Variants in CYB561 observed in about 807,000 individuals in gnomAD.
The protein encoded by CYB561 is cytochrome b561, also known as transmembrane ascorbate-dependent reductase CYB561.
In CYB561, 11 loss-of-function variants were observed where a neutral mutation model predicts 25.3. The observed-to-expected ratio is 0.44, with a 90% confidence interval of 0.27 to 0.72. The LOEUF (loss-of-function observed/expected upper bound fraction) is 0.72, where lower values mean the gene tolerates loss of function less well. Among genes scored for constraint, CYB561 ranks in the 30% least tolerant of loss-of-function variants. CYB561 has a pLI of 0.18. For synonymous variants in CYB561, 165 were observed against 158.8 expected (o/e 1.04, Z -0.29); for missense variants, 295 against 334.9 (o/e 0.88, Z 0.93).
chr17:63,441,815 C>T (rs1341956123), intron 1 of CYB561, among the ~76,000 whole-genome samples: 1 of 152,242 alleles, frequency 6.6e-6, no homozygotes. Context: ...GCAGGGGAAG[C>T]TCCCGGGCGG....
In CYB561 at chr17:63,438,095, C is replaced by A. The variant is rs971376339; in HGVS notation, c.-13-535G>T. ...TCGGGAGTGGCTGGGGGGAGGGGCC[C>A]AGCCTCCCCACGGGGACAGGCGTGA... On this transcript the variant is annotated intron_variant, in intron 1 of 5. Coordinates refer to ENST00000360793, the MANE Select transcript of CYB561 (RefSeq NM_001915.4). The A allele has an allele frequency of 1.0e-5, 16 of 1,533,820 alleles. No homozygotes were observed. The Admixed American group carries it at 1.2e-4, about 11-fold the overall frequency.
chr17:63,434,257 C>A lies in CYB561; in HGVS notation c.*145G>T. ...AGCAGAGGAGGCGGAGACCTGACCC[C>A]AGAAAGCAGCACTCAAACAGATGCA... On this transcript the variant is annotated 3_prime_UTR_variant, in exon 6 of 6. Transcript: ENST00000360793. 1.5e-6 allele frequency: 1 copy of A among 686,718 alleles called. No homozygotes were observed. 42.5% of individuals were successfully genotyped at this position (686,718 alleles called of 1,614,324 possible).
Position 63,434,598 on chromosome 17 carries a change from C to T in CYB561, c.564-4G>A. On this transcript the variant is annotated splice_region_variant and splice_polypyrimidine_tract_variant and intron_variant, in intron 5 of 5. Coordinates refer to ENST00000360793, the MANE Select transcript of CYB561 (RefSeq NM_001915.4). ...CTCAAATGCGCTATACTTGCCCCTG[C>T]AGGGGTGAGAGGAAGGGAGAAGCTG... 6.2e-7 allele frequency: 1 copy of T among 1,604,770 alleles called. No homozygotes were observed. Among genetic ancestry groups the T allele is most frequent in the Non-Finnish European group, 8.5e-7 (1 of 1,177,386 alleles).
chr17:63,443,037 G>A (rs2049391408), intron 1 of CYB561, among the ~76,000 whole-genome samples: 2 of 152,338 alleles, frequency 1.3e-5, no homozygotes, highest in South Asian at 4.1e-4. Flanking sequence ...ATTGAGTTAG[G>A]AAAGACTGTG....
intron 1 of CYB561, chr17:63,440,962 G>C (rs2049369417): frequency 6.6e-6 from 1 of 152,188 alleles, no homozygotes; most frequent in Non-Finnish European, 1.5e-5. Context: ...AAGAACAGAG[G>C]GGACATCACC....
At chr17:63,437,880 C>T in intron 1 of CYB561, 1 of 357,890 alleles carries the variant, frequency 2.8e-6, no homozygotes, top group Non-Finnish European at 5.1e-6. Context: ...CAGATGCGAG[C>T]AGCCCCCCTG....
chr17:63,435,764 C>T lies in CYB561; in HGVS notation c.329G>A (p.Arg110Lys). 10 of 1,614,226 alleles carry T rather than the reference C, an allele frequency of 6.2e-6. No homozygotes were observed. Among genetic ancestry groups the T allele is most frequent in the Non-Finnish European group, 8.5e-6 (10 of 1,180,028 alleles). The change falls in exon 4 of 6, where the codon AGG becomes AAG. Residue 110 changes from arginine (R) to lysine (K), a missense_variant. Arg to Lys is a conservative substitution (Grantham distance 26). Transcript: ENST00000360793. The stretch of plus-strand genomic sequence containing the variant: ...GTACAGGTCAGCGTAGCCCTTCTTC[C>T]TGTGGTAGTCGAACACCGCCACCAA... ...VGLVAVFDYH[R>K]KKGYADLYSL...
chr17:63,438,576 A>AGGGGC, intron 1 of CYB561, among the ~76,000 whole-genome samples: 1 of 151,660 alleles, frequency 6.6e-6, no homozygotes, highest in East Asian at 2.0e-4. Context: ...CCTCCACACC[A>AGGGGC]GGGGCGGGGC....
Position 63,436,271 on chromosome 17 carries a change from C to T in CYB561, c.203-119G>A, listed in dbSNP as rs1283429616. 2.3e-6 allele frequency: 3 copies of T among 1,288,146 alleles called. No individual in the cohort carries two copies. In the Admixed American group the frequency reaches 7.1e-5, roughly 31 times the overall value. The allele number at this position is 1,288,146 out of a possible 1,614,324, so 79.8% of individuals were successfully genotyped here. On this transcript the variant is annotated intron_variant, in intron 2 of 5. Coordinates refer to ENST00000360793, the MANE Select transcript of CYB561 (RefSeq NM_001915.4). This position sits in a 1 kb window ranked among gnomAD's most constrained non-coding sequence, Gnocchi z 4.8. Reference sequence around the variant, plus strand: ...GTGAGCTGACGGCTTGTAACAGGAGCCTAGCTGCAGGAACCGGAGGAGAAA... The same window carrying T: ...GTGAGCTGACGGCTTGTAACAGGAGTCTAGCTGCAGGAACCGGAGGAGAAA...
At chr17:63,444,225 G>A (rs898013411) in intron 1 of CYB561, among the ~76,000 whole-genome samples, 17 of 152,278 alleles carry the variant, frequency 1.1e-4, no homozygotes, top group East Asian at 1.9e-4. Context: ...TATGGAAGAC[G>A]GGGCCCGTGA....
intron 1 of CYB561, among the ~76,000 whole-genome samples, chr17:63,444,434 G>A (rs548310656): frequency 1.3e-5 from 2 of 152,340 alleles, no homozygotes; most frequent in South Asian, 2.1e-4. Context: ...GGATAAAGGT[G>A]TGCCAGCGCC....
At chr17:63,443,410 C>T (rs931158939) in intron 1 of CYB561, among the ~76,000 whole-genome samples, 2 of 152,124 alleles carry the variant, frequency 1.3e-5, no homozygotes, top group African/African-American at 4.8e-5. Context: ...AGCCCAGGGA[C>T]CCGGGGTATC....
At chr17:63,437,850 C>A in intron 1 of CYB561, 1 of 452,946 alleles carries the variant, frequency 2.2e-6, no homozygotes, top group Non-Finnish European at 3.9e-6. Flanking sequence ...ACAGCCCCCC[C>A]GAGATGCACA....
At chr17:63,444,685 C>G (rs576625207) in intron 1 of CYB561, among the ~76,000 whole-genome samples, 69 of 152,320 alleles carry the variant, frequency 4.5e-4, no homozygotes, top group African/African-American at 1.5e-3. Context: ...TGCTTTTAAT[C>G]TGTGACATTG....
Position 63,436,963 on chromosome 17 carries a change from C to T in CYB561, c.202+383G>A, listed in dbSNP as rs193252546. On this transcript the variant is annotated intron_variant, in intron 2 of 5. Transcript: ENST00000360793. The surrounding 1 kb of genome is among the most constrained non-coding windows in gnomAD (Gnocchi z 4.8). The stretch of plus-strand genomic sequence containing the variant: ...TCTGCCAAGTCCAAGACCAACAACA[C>T]ACATGCGCGCGCACGCACGCACGCA... The T allele has an allele frequency of 2.4e-4, 53 of 225,322 alleles. 1 individual carries two copies. The East Asian group carries it at 6.0e-3, about 26-fold the overall frequency. 14.0% of individuals were successfully genotyped at this position (225,322 alleles called of 1,614,324 possible). A position where few individuals can be genotyped will look rare whatever the true frequency, so the allele number is the denominator to read the frequency against.
At chr17:63,441,554 AG>A (rs966171136) in intron 1 of CYB561, among the ~76,000 whole-genome samples, 19 of 152,216 alleles carry the variant, frequency 1.2e-4, no homozygotes, top group African/African-American at 4.3e-4. Flanking sequence ...TTTTCAGGTA[AG>A]GGTGGTACAA....
intron 1 of CYB561, among the ~76,000 whole-genome samples, chr17:63,442,438 C>T (rs139253826): frequency 1.3e-5 from 2 of 152,286 alleles, no homozygotes; most frequent in African/African-American, 2.4e-5. Context: ...GGCTTTGAAT[C>T]GTGGCCCTCA....
chr17:63,445,233 A>C (rs910680779), intron 1 of CYB561, among the ~76,000 whole-genome samples: 3 of 151,952 alleles, frequency 2.0e-5, no homozygotes, highest in Non-Finnish European at 4.4e-5. Context: ...AGCAAGAAAG[A>C]AAAGGAGTGG....
At chr17:63,441,563 C>T (rs775972455) in intron 1 of CYB561, among the ~76,000 whole-genome samples, 8 of 152,244 alleles carry the variant, frequency 5.3e-5, no homozygotes, top group Non-Finnish European at 1.2e-4. Flanking sequence ...AAGGGTGGTA[C>T]AAGTTCAAGC....
Sources: allele counts gnomAD v4.1 joint callset (sites outside exome capture counted in the v4.1 genomes callset), GRCh38; gene constraint gnomAD v4.1.1; non-coding constraint Gnocchi (gnomAD v3.1); transcripts MANE v1.5; gene names NCBI Gene and HGNC (gene_info 2026-07-23, HGNC 2026-07-21).